FAM120C: variants seen among roughly 807,000 people sequenced by gnomAD.
FAM120C encodes constitutive coactivator of PPAR-gamma-like protein 2.
FAM120C carries 14 observed loss-of-function variants against 71.2 expected under a neutral mutation model. The ratio of observed to expected loss-of-function variants is 0.20; its 90% CI spans 0.13 to 0.31. The LOEUF is 0.31. FAM120C is among the 10% of genes least tolerant of loss of function. FAM120C has a pLI of 1.00. For missense variants in FAM120C, 500 were observed against 879.0 expected, an observed-to-expected ratio of 0.57 and a Z score of 5.45; for synonymous variants, 354 against 353.2, an observed-to-expected ratio of 1.00 and a Z score of -0.03.
At chrX:54,098,135 G>A (rs1477634470) in intron 10 of FAM120C, among the ~76,000 whole-genome samples, 2 of 104,220 alleles carry the variant, frequency 1.9e-5, no homozygotes, top group Non-Finnish European at 3.9e-5. Flanking sequence ...TCTGCCTCCC[G>A]GGTTCAAGTG....
Position 54,083,123 on chromosome X carries a change from G to GA in FAM120C, c.2840-1664dup, listed in dbSNP as rs376602113. On this transcript the variant is annotated intron_variant, in intron 13 of 15. Coordinates refer to ENST00000375180, the MANE Select transcript of FAM120C (RefSeq NM_017848.6). ...GACAGAGCGAGATTCCATCTCAAAA[G>GA]AAAAAAAAAAAAGCAAGAACAGCAA... 7.1e-3 allele frequency among the ~76,000 whole-genome samples: 584 copies of GA among 82,188 alleles called. 3 individuals carry two copies. The highest frequency in any genetic ancestry group is 0.024 in the African/African-American group (551 of 22,714). The allele number at this position is 82,188 out of a possible 115,157, so 71.4% of individuals were successfully genotyped here. A position where few individuals can be genotyped will look rare whatever the true frequency, so the allele number is the denominator to read the frequency against.
At chrX:54,082,524 T>A (rs940648226) in intron 13 of FAM120C, among the ~76,000 whole-genome samples, 1 of 109,815 alleles carries the variant, frequency 9.1e-6, no homozygotes, top group African/African-American at 3.3e-5. Flanking sequence ...TTCTCCTGCC[T>A]CAGCCTCCTG....
chrX:54,080,863 G>A (rs868945495), intron 14 of FAM120C, among the ~76,000 whole-genome samples: 209 of 77,408 alleles, frequency 2.7e-3, no homozygotes, highest in Middle Eastern at 7.4e-3. Flanking sequence ...TCCATCTCAA[G>A]AAAAAAAAAA....
At chrX:54,076,120 A>G (rs984248172) in intron 15 of FAM120C, among the ~76,000 whole-genome samples, 1 of 108,833 alleles carries the variant, frequency 9.2e-6, no homozygotes, top group Non-Finnish European at 1.9e-5. Context: ...AGGCAGATCA[A>G]CTGAGGTCTG....
intron 1 of FAM120C, among the ~76,000 whole-genome samples, chrX:54,160,777 T>C (rs1261581703): frequency 9.0e-6 from 1 of 111,401 alleles, no homozygotes; most frequent in Non-Finnish European, 1.9e-5. Context: ...GCATACCTAT[T>C]ATTACTATCC....
intron 15 of FAM120C, among the ~76,000 whole-genome samples, chrX:54,077,002 G>A (rs2066739226): frequency 9.0e-6 from 1 of 111,307 alleles, no homozygotes; most frequent in African/African-American, 3.3e-5. Context: ...TGAGGTAGGA[G>A]GATCACTTGA....
chrX:54,165,659 C>T (rs2067255879), intron 1 of FAM120C, among the ~76,000 whole-genome samples: 1 of 110,314 alleles, frequency 9.1e-6, no homozygotes, highest in Non-Finnish European at 1.9e-5. Context: ...TGCCTGTAAT[C>T]CCAGCTACTC....
chrX:54,176,627 T>A (rs927873621), intron 1 of FAM120C, among the ~76,000 whole-genome samples: 12 of 111,137 alleles, frequency 1.1e-4, no homozygotes, highest in African/African-American at 3.9e-4. Flanking sequence ...CTACAAAACT[T>A]CTGAGTAAAA....
intron 9 of FAM120C, among the ~76,000 whole-genome samples, chrX:54,131,480 C>T (rs1259108722): frequency 2.8e-5 from 3 of 108,082 alleles, no homozygotes; most frequent in Non-Finnish European, 3.8e-5. Flanking sequence ...CTCTTGTTGC[C>T]GAGGCTGGAG....
At chrX:54,169,708 TA>T (rs1286133259) in intron 1 of FAM120C, among the ~76,000 whole-genome samples, 2 of 111,967 alleles carry the variant, frequency 1.8e-5, no homozygotes, top group Non-Finnish European at 3.8e-5. Flanking sequence ...TATCACCTTA[TA>T]AGAAGATTCG....
At chrX:54,114,746 G>T (rs1307046997) in intron 10 of FAM120C, among the ~76,000 whole-genome samples, 1 of 105,950 alleles carries the variant, frequency 9.4e-6, no homozygotes, top group Non-Finnish European at 1.9e-5. Context: ...GCCTAATTTT[G>T]TTTGTTTGTT....
chrX:54,088,072 T>C, intron 11 of FAM120C, 108 bp from the exon 12 acceptor site: 1 of 642,961 alleles, frequency 1.6e-6, no homozygotes, highest in Admixed American at 3.2e-5. Context: ...GAACATGCTG[T>C]CATTCAATGT....
intron 6 of FAM120C, 53 bp from the exon 7 acceptor site, chrX:54,135,164 G>A: frequency 4.5e-6 from 5 of 1,115,880 alleles, no homozygotes; most frequent in Non-Finnish European, 6.0e-6. Context: ...AGGCTCCAAG[G>A]TGGCTCCCTC....
At chrX:54,152,893 A>G (rs1557133174) in intron 3 of FAM120C, among the ~76,000 whole-genome samples, 2 of 111,612 alleles carry the variant, frequency 1.8e-5, no homozygotes, top group African/African-American at 6.5e-5. Context: ...GTTAAACTAA[A>G]TAAGTAAAAT....
At chrX:54,157,412 G>A (rs782571010) in intron 3 of FAM120C, among the ~76,000 whole-genome samples, 4 of 110,300 alleles carry the variant, frequency 3.6e-5, no homozygotes, top group Admixed American at 2.9e-4. Flanking sequence ...CTGCCACTAC[G>A]CTCAGCTAAT....
At chrX:54,129,073 C>T (rs1236734873) in intron 9 of FAM120C, among the ~76,000 whole-genome samples, 2 of 105,971 alleles carry the variant, frequency 1.9e-5, no homozygotes, top group Non-Finnish European at 3.9e-5. Flanking sequence ...CCCAACCTCC[C>T]GGACGGGGCG....
intron 1 of FAM120C, among the ~76,000 whole-genome samples, chrX:54,173,373 C>T (rs1412836761): frequency 1.8e-5 from 2 of 112,081 alleles, no homozygotes; most frequent in Non-Finnish European, 3.8e-5. Context: ...CTCAGCCTCT[C>T]GAGTAGCTGG....
intron 4 of FAM120C, among the ~76,000 whole-genome samples, chrX:54,145,446 C>A (rs1196751274): frequency 9.1e-6 from 1 of 110,343 alleles, no homozygotes; most frequent in Non-Finnish European, 1.9e-5. Flanking sequence ...CCAGAATCTA[C>A]AAAGATTTAC....
rs1557134935 is a variant in FAM120C, at chrX:54,164,960, G to A, written c.700-5344C>T. Among the ~76,000 whole-genome samples, 13 of 111,575 alleles carry A rather than the reference G, an allele frequency of 1.2e-4. 1 individual carries two copies. The highest frequency in any genetic ancestry group is 2.3e-4 in the Non-Finnish European group (12 of 53,151). On this transcript the variant is annotated intron_variant, in intron 1 of 15. Coordinates refer to ENST00000375180, the MANE Select transcript of FAM120C (RefSeq NM_017848.6). ...TTTTTAACAGTAGCCATCCTAATGA[G>A]TGTGAGGTAATATCTCATTGTGGTT... is the stretch of plus-strand genomic sequence containing the variant.
Sources: gnomAD v4.1 joint callset for allele counts (sites outside exome capture counted in the v4.1 genomes callset) on GRCh38, gnomAD v4.1.1 for gene constraint, MANE v1.5 for transcripts, NCBI Gene and HGNC (gene_info 2026-07-23, HGNC 2026-07-21) for gene names.